Variants in TRIM24 observed in about 807,000 individuals in gnomAD.
TRIM24 encodes the protein tripartite motif containing 24, also known as transcription intermediary factor 1-alpha.
TRIM24 carries 29 observed loss-of-function variants against 123.9 expected under a neutral mutation model. That is an observed-to-expected ratio of 0.23 (90% CI 0.17 to 0.32). The LOEUF (loss-of-function observed/expected upper bound fraction) is 0.32, where lower values mean the gene tolerates loss of function less well. Ranked by LOEUF, TRIM24 falls within the 10% of genes least tolerant of loss-of-function variation. The pLI is 1.00. For synonymous variants in TRIM24, 456 were observed against 461.1 expected (o/e 0.99, Z 0.14); for missense variants, 932 against 1,295.3 (o/e 0.72, Z 4.31).
At chr7:138,581,435 A>G (rs1388239807) in intron 16 of TRIM24, among the ~76,000 whole-genome samples, 2 of 152,220 alleles carry the variant, frequency 1.3e-5, no homozygotes, top group South Asian at 2.1e-4. Context: ...TATAATACAC[A>G]GACTGGAGCA....
At chr7:138,553,758 T>C (rs1390961062) in intron 8 of TRIM24, among the ~76,000 whole-genome samples, 1 of 152,188 alleles carries the variant, frequency 6.6e-6, no homozygotes, top group Non-Finnish European at 1.5e-5. Flanking sequence ...TCTCAAAGTA[T>C]AGTCTGGTAC....
chr7:138,517,096 T>A (rs1388578124), intron 3 of TRIM24, among the ~76,000 whole-genome samples: 2 of 150,406 alleles, frequency 1.3e-5, no homozygotes, highest in Non-Finnish European at 3.0e-5. Flanking sequence ...CAGTGTGAGA[T>A]CCTGTCTCCA....
intron 1 of TRIM24, among the ~76,000 whole-genome samples, chr7:138,502,249 A>C (rs188508637): frequency 1.3e-5 from 2 of 152,340 alleles, no homozygotes; most frequent in East Asian, 3.9e-4. Context: ...CAGGTTTACC[A>C]GGTACCAGCC....
At chr7:138,491,907 T>G (rs1170417372) in intron 1 of TRIM24, among the ~76,000 whole-genome samples, 1 of 152,048 alleles carries the variant, frequency 6.6e-6, no homozygotes, top group Non-Finnish European at 1.5e-5. Flanking sequence ...GATTTGCATT[T>G]CCCAAATGAT....
At chr7:138,583,719 C>T in intron 17 of TRIM24, 131 bp from the exon 18 acceptor site, 1 of 683,580 alleles carries the variant, frequency 1.5e-6, no homozygotes, top group Non-Finnish European at 2.3e-6. Context: ...AAATGGGTTT[C>T]TTTACTAATG....
At chr7:138,578,576 G>A (rs754020964) in intron 14 of TRIM24, among the ~76,000 whole-genome samples, 5 of 149,542 alleles carry the variant, frequency 3.3e-5, no homozygotes, top group Admixed American at 1.4e-4. Context: ...GCGCACGCAC[G>A]AATGGAAGCA....
intron 9 of TRIM24, among the ~76,000 whole-genome samples, chr7:138,557,182 T>C (rs1451922738): frequency 1.3e-5 from 2 of 152,180 alleles, no homozygotes; most frequent in Non-Finnish European, 2.9e-5. Context: ...GCTCTGGCTT[T>C]CCAGATAGTG....
chr7:138,549,011 G>A (rs952479806), intron 7 of TRIM24, among the ~76,000 whole-genome samples: 1 of 152,086 alleles, frequency 6.6e-6, no homozygotes, highest in East Asian at 1.9e-4. Flanking sequence ...AGTAATAGGA[G>A]TACACTCTAA....
chr7:138,516,196 G>C (rs1486366239), intron 3 of TRIM24, among the ~76,000 whole-genome samples: 3 of 152,116 alleles, frequency 2.0e-5, no homozygotes, highest in Non-Finnish European at 4.4e-5. Context: ...CAGCTACTCG[G>C]GAGGCTGAGG....
chr7:138,586,082 G>A lies in TRIM24; in HGVS notation c.*1131G>A, dbSNP rs534140948. Reference sequence around the variant, plus strand: ...AAACTTAATCTTTGATCTGACTTCTGATTTTATTCTTCTGATTGATTGATA... The same window carrying A: ...AAACTTAATCTTTGATCTGACTTCTAATTTTATTCTTCTGATTGATTGATA... On this transcript the variant is annotated 3_prime_UTR_variant, in exon 19 of 19. Coordinates refer to ENST00000343526, the MANE Select transcript of TRIM24 (RefSeq NM_015905.3). The A allele has an allele frequency of 1.5e-5, 6 of 403,438 alleles. No individual in the cohort carries two copies. Among genetic ancestry groups the A allele is most frequent in the South Asian group, 9.7e-5 (5 of 51,610 alleles). The allele number at this position is 403,438 out of a possible 1,614,324, so 25.0% of individuals were successfully genotyped here. A position where few individuals can be genotyped will look rare whatever the true frequency, so the allele number is the denominator to read the frequency against.
At chr7:138,549,275 T>A (rs79419655) in intron 7 of TRIM24, among the ~76,000 whole-genome samples, 2,772 of 152,226 alleles carry the variant, frequency 0.018, 70 homozygotes, top group African/African-American at 0.061. Flanking sequence ...ATGTGGTACA[T>A]GACTACATAT....
intron 1 of TRIM24, among the ~76,000 whole-genome samples, chr7:138,487,606 G>A (rs1432059225): frequency 2.6e-5 from 4 of 152,128 alleles, no homozygotes; most frequent in Non-Finnish European, 4.4e-5. Flanking sequence ...AAATAATCAT[G>A]TAGTTTTTGT....
intron 9 of TRIM24, among the ~76,000 whole-genome samples, chr7:138,556,014 T>G (rs1797309781): frequency 6.6e-6 from 1 of 152,186 alleles, no homozygotes; most frequent in African/African-American, 2.4e-5. Flanking sequence ...GGCAAAAGAC[T>G]TCTATGACTA....
intron 4 of TRIM24, 129 bp from the exon 5 acceptor site, chr7:138,525,112 G>A (rs10268912): frequency 9.1e-6 from 4 of 441,208 alleles, no homozygotes; most frequent in Non-Finnish European, 1.2e-5. Flanking sequence ...TTAGGGATAC[G>A]TTTGATGTTT....
At chr7:138,550,601 C>T (rs894596450) in intron 7 of TRIM24, among the ~76,000 whole-genome samples, 10 of 152,066 alleles carry the variant, frequency 6.6e-5, no homozygotes, top group Middle Eastern at 3.4e-3. Context: ...GTATTCAGGG[C>T]GATGGCAGGA....
At chr7:138,572,854 AATGAAT>A (rs1797685641) in intron 11 of TRIM24, among the ~76,000 whole-genome samples, 2 of 152,228 alleles carry the variant, frequency 1.3e-5, no homozygotes, top group Non-Finnish European at 2.9e-5. Flanking sequence ...TTTGCCTGGC[AATGAAT>A]AAGGAAAAGA....
intron 6 of TRIM24, 57 bp from the exon 7 acceptor site, chr7:138,538,600 C>G: frequency 1.3e-6 from 2 of 1,553,456 alleles, no homozygotes. Flanking sequence ...TGGAAATGAC[C>G]ATCAAAGTCT....
chr7:138,504,245 A>C lies in TRIM24; in HGVS notation c.365-45A>C, dbSNP rs1244881539. 3.1e-6 allele frequency: 4 copies of C among 1,308,066 alleles called. No homozygotes were observed. In the East Asian group the frequency reaches 7.3e-5, roughly 24 times the overall value. 81.0% of individuals were successfully genotyped at this position (1,308,066 alleles called of 1,614,324 possible). A position where few individuals can be genotyped will look rare whatever the true frequency, so the allele number is the denominator to read the frequency against. On this transcript the variant is annotated intron_variant, in intron 1 of 18. Transcript: ENST00000343526. ...TTTGAGATGTATTGGTTAAGTACTC[A>C]GTATATTTGTATTAAAACTTAGAAT...
At chr7:138,564,642 T>C (rs1447177084) in intron 9 of TRIM24, among the ~76,000 whole-genome samples, 9 of 152,180 alleles carry the variant, frequency 5.9e-5, no homozygotes, top group Admixed American at 5.9e-4. Context: ...CATGAGTCAA[T>C]ATAAGGGAAT....
Sources: allele counts gnomAD v4.1 joint callset (sites outside exome capture counted in the v4.1 genomes callset), GRCh38; gene constraint gnomAD v4.1.1; transcripts MANE v1.5; gene names NCBI Gene and HGNC (gene_info 2026-07-23, HGNC 2026-07-21).